The following ARMC9 variants were observed in gnomAD, a reference collection of about 807,000 sequenced individuals.
The protein encoded by ARMC9 is lisH domain-containing protein ARMC9.
ARMC9 carries 94 observed loss-of-function variants against 107.0 expected under a neutral mutation model. The observed-to-expected ratio is 0.88, with a 90% CI of 0.74 to 1.04. The LOEUF (loss-of-function observed/expected upper bound fraction) is 1.04, where lower values mean the gene tolerates loss of function less well. ARMC9 is among the 50% of genes least tolerant of loss of function. The pLI, the probability that ARMC9 is intolerant of heterozygous loss-of-function variation, is 0.00. For synonymous variants in ARMC9, 380 were observed against 396.9 expected, an observed-to-expected ratio of 0.96 and a Z score of 0.51; for missense variants, 942 against 1,030.1, an observed-to-expected ratio of 0.91 and a Z score of 1.17.
chr2:231,236,511 T>C (rs2035730385), intron 8 of ARMC9, among the ~76,000 whole-genome samples: 1 of 152,194 alleles, frequency 6.6e-6, no homozygotes, highest in Admixed American at 6.5e-5. Flanking sequence ...TAAAAAATAA[T>C]TCAGGCCAGG....
In ARMC9 at chr2:231,337,288, A is replaced by ATTT. The variant is rs1364070944; in HGVS notation, c.1878+5392_1878+5393insTTT. Reference sequence around the variant, plus strand: ...TGTGTGTGTATATATATATATATATATATTTTTTTTTTTTTTTTTTTTTTT... The same window carrying ATTT: ...TGTGTGTGTATATATATATATATATATTTTATTTTTTTTTTTTTTTTTTTTTTT... On this transcript the variant is annotated intron_variant, in intron 20 of 24. Coordinates refer to ENST00000611582, the MANE Select transcript of ARMC9 (RefSeq NM_001352754.2). Among the ~76,000 whole-genome samples, 329 of 52,140 alleles carry ATTT rather than the reference A, an allele frequency of 6.3e-3. 4 individuals are homozygous for ATTT. The highest frequency in any genetic ancestry group is 0.011 in the African/African-American group (145 of 13,144). 34.2% of individuals were successfully genotyped at this position (52,140 alleles called of 152,430 possible). A position where few individuals can be genotyped will look rare whatever the true frequency, so the allele number is the denominator to read the frequency against.
intron 3 of ARMC9, among the ~76,000 whole-genome samples, chr2:231,210,352 A>C (rs544111306): frequency 1.3e-5 from 2 of 152,370 alleles, no homozygotes; most frequent in African/African-American, 4.8e-5. Context: ...TATAGTCATT[A>C]GTAGAGGTGA....
At chr2:231,275,567 G>A (rs2039685277) in intron 14 of ARMC9, among the ~76,000 whole-genome samples, 1 of 152,194 alleles carries the variant, frequency 6.6e-6, no homozygotes, top group South Asian at 2.1e-4. Flanking sequence ...GTGAATCAAA[G>A]TGATGTTAAG....
At chr2:231,325,581 ACTC>A (rs993743665) in intron 19 of ARMC9, among the ~76,000 whole-genome samples, 1 of 151,638 alleles carries the variant, frequency 6.6e-6, no homozygotes, top group Non-Finnish European at 1.5e-5. Flanking sequence ...GTGAAACACT[ACTC>A]CATGCCCAGA....
chr2:231,292,772 C>T (rs1473688138), intron 18 of ARMC9, among the ~76,000 whole-genome samples: 13 of 152,222 alleles, frequency 8.5e-5, no homozygotes, highest in Admixed American at 8.5e-4. Context: ...CTTCTGCACA[C>T]GAGCAGAAAG....
At chr2:231,272,207 T>TG (rs2039391572) in intron 13 of ARMC9, among the ~76,000 whole-genome samples, 1 of 148,350 alleles carries the variant, frequency 6.7e-6, no homozygotes, top group African/African-American at 2.5e-5. Flanking sequence ...TTTTTTTTTT[T>TG]TTTGAGAGAG....
At chr2:231,257,831 C>G (rs998185805) in intron 10 of ARMC9, among the ~76,000 whole-genome samples, 2 of 152,222 alleles carry the variant, frequency 1.3e-5, no homozygotes, top group Non-Finnish European at 2.9e-5. Context: ...GTGAACTAGA[C>G]TGCAAACCTC....
chr2:231,215,716 T>C (rs756962685), intron 4 of ARMC9, among the ~76,000 whole-genome samples: 2 of 152,200 alleles, frequency 1.3e-5, no homozygotes, highest in Non-Finnish European at 2.9e-5. Context: ...CGTGCATTAA[T>C]GACTGCCCTA....
intron 19 of ARMC9, among the ~76,000 whole-genome samples, chr2:231,300,227 C>T (rs768865399): frequency 2.6e-5 from 4 of 152,180 alleles, no homozygotes; most frequent in Admixed American, 1.3e-4. Flanking sequence ...TGAGGTCAGC[C>T]GTGGACATTT....
At chr2:231,329,098 G>A (rs560019850) in intron 19 of ARMC9, among the ~76,000 whole-genome samples, 2 of 152,032 alleles carry the variant, frequency 1.3e-5, no homozygotes, top group South Asian at 4.2e-4. Flanking sequence ...TGGGATTACA[G>A]GCGTGAGCCA....
chr2:231,355,910 C>A lies in ARMC9; in HGVS notation c.2107C>A (p.Pro703Thr). 1 of 1,536,042 alleles carries A rather than the reference C, an allele frequency of 6.5e-7. No individual in the cohort carries two copies. The highest frequency in any genetic ancestry group is 8.7e-7 in the Non-Finnish European group (1 of 1,146,830). ...AVYREGKPSTPESCVSSSSAI... is the reference protein window; with the variant it reads ...AVYREGKPSTTESCVSSSSAI... The stretch of plus-strand genomic sequence containing the variant: ...CTACAGGGAGGGCAAGCCCAGCACC[C>A]CGGAGTCCTGCGTCTCCTCTTCATG... Residue 703 changes from proline (P) to threonine (T), a missense_variant, in exon 22 of 25, where the codon CCG becomes ACG. Physicochemically the swap from Pro to Thr is conservative, Grantham distance 38. Transcript: ENST00000611582.
rs1268613706 is a variant in ARMC9 at position 231,208,235 on chromosome 2, A to G, written c.160A>G (p.Lys54Glu). Reference sequence around the variant, plus strand: ...AGTAGGCGGATCTTTCAGAGACTCCAAATCATTGACAATTCAGGTAACATT... The same window carrying G: ...AGTAGGCGGATCTTTCAGAGACTCCGAATCATTGACAATTCAGGTAACATT... ...KTVGGSFRDSKSLTIQKDLVA... is the reference protein window; with the variant it reads ...KTVGGSFRDSESLTIQKDLVA... Residue 54 changes from lysine to glutamate, a missense_variant, in exon 3 of 25, where the codon AAA (lysine) becomes GAA (glutamate). Coordinates refer to ENST00000611582, the MANE Select transcript of ARMC9 (RefSeq NM_001352754.2). 7.5e-6 allele frequency: 12 copies of G among 1,608,490 alleles called. No individual in the cohort carries two copies. Among genetic ancestry groups the G allele is most frequent in the Non-Finnish European group, 9.3e-6 (11 of 1,177,508 alleles).
intron 4 of ARMC9, chr2:231,215,290 C>A: frequency 3.4e-6 from 1 of 294,346 alleles, no homozygotes; most frequent in Non-Finnish European, 6.4e-6. Flanking sequence ...AGTATGTAGG[C>A]GTGTATGTCT....
chr2:231,211,140 A>G (rs2125314563), intron 3 of ARMC9, among the ~76,000 whole-genome samples: 1 of 85,086 alleles, frequency 1.2e-5, no homozygotes, highest in South Asian at 3.0e-4. Context: ...AAACACATAC[A>G]CACACACACA....
intron 23 of ARMC9, among the ~76,000 whole-genome samples, chr2:231,366,421 G>A (rs2045819254): frequency 6.6e-6 from 1 of 152,194 alleles, no homozygotes; most frequent in Admixed American, 6.5e-5. Context: ...TTACGGGCCA[G>A]GCACGGTGGC....
At chr2:231,260,693 C>T (rs2038251639) in intron 11 of ARMC9, among the ~76,000 whole-genome samples, 1 of 152,140 alleles carries the variant, frequency 6.6e-6, no homozygotes, top group African/African-American at 2.4e-5. Context: ...TGGCCGTTTC[C>T]TCCCTGGCCA....
At chr2:231,251,882 C>A (rs1275833929) in intron 9 of ARMC9, among the ~76,000 whole-genome samples, 1 of 152,128 alleles carries the variant, frequency 6.6e-6, no homozygotes, top group African/African-American at 2.4e-5. Flanking sequence ...TGCACCACCA[C>A]ACCTGGCTAA....
In ARMC9 at chr2:231,216,796, A is replaced by G; in HGVS notation, c.504+3A>G. The G allele has an allele frequency of 6.2e-7, 1 of 1,610,752 alleles. No individual in the cohort carries two copies. On this transcript the variant is annotated splice_donor_region_variant and intron_variant, in intron 5 of 24. Coordinates refer to ENST00000611582, the MANE Select transcript of ARMC9 (RefSeq NM_001352754.2). The stretch of plus-strand genomic sequence containing the variant: ...CCTCATTTAAAGAACTCTTCCAGGT[A>G]AATGTCAGCTTTTAACTCTTGTGTC...
chr2:231,364,314 C>T (rs2045719795), intron 23 of ARMC9, among the ~76,000 whole-genome samples: 1 of 152,252 alleles, frequency 6.6e-6, no homozygotes, highest in Non-Finnish European at 1.5e-5. Context: ...AGGAGCTCCT[C>T]GCACTCAGGC....
Sources: allele counts gnomAD v4.1 joint callset (sites outside exome capture counted in the v4.1 genomes callset), GRCh38; gene constraint gnomAD v4.1.1; transcripts MANE v1.5; gene names NCBI Gene and HGNC (gene_info 2026-07-23, HGNC 2026-07-21).